The following ASIC2 variants were observed in gnomAD, a reference collection of about 807,000 sequenced individuals.
ASIC2 encodes the protein acid-sensing ion channel 2.
In ASIC2, 25 loss-of-function variants were observed where a neutral mutation model predicts 57.3. The observed-to-expected ratio is 0.44, with a 90% CI of 0.32 to 0.61. The LOEUF (loss-of-function observed/expected upper bound fraction) is 0.61. Among genes scored for constraint, ASIC2 ranks in the 20% least tolerant of loss-of-function variants. The probability of loss-of-function intolerance (pLI) is 0.06; values close to 1 mark genes in which losing one functional copy is unlikely to be tolerated. For synonymous variants in ASIC2, 319 were observed against 307.5 expected (o/e 1.04, Z -0.39); for missense variants, 641 against 738.1 (o/e 0.87, Z 1.52).
chr17:33,491,795 C>T (rs1462142339), intron 1 of ASIC2, among the ~76,000 whole-genome samples: 1 of 152,220 alleles, frequency 6.6e-6, no homozygotes. Context: ...GAGAACCTCT[C>T]TGCCATGGTC....
chr17:33,315,330 A>G (rs1906601704), intron 1 of ASIC2, among the ~76,000 whole-genome samples: 1 of 152,212 alleles, frequency 6.6e-6, no homozygotes, highest in South Asian at 2.1e-4. Context: ...CCTGCCCGCT[A>G]TGGCTATTAT....
chr17:34,027,788 T>C (rs186336250), intron 1 of ASIC2, among the ~76,000 whole-genome samples: 189 of 152,336 alleles, frequency 1.2e-3, no homozygotes, highest in African/African-American at 4.3e-3. Flanking sequence ...GCAAGAATCA[T>C]CTTCCTCTCA....
intron 1 of ASIC2, among the ~76,000 whole-genome samples, chr17:33,700,516 C>A (rs905854326): frequency 1.3e-5 from 2 of 152,124 alleles, no homozygotes; most frequent in African/African-American, 4.8e-5. Context: ...CATGGAAAGA[C>A]AAGAGCCCCC....
chr17:33,033,350 T>C (rs988795984), intron 3 of ASIC2, among the ~76,000 whole-genome samples: 1 of 152,120 alleles, frequency 6.6e-6, no homozygotes, highest in African/African-American at 2.4e-5. Context: ...TCTGCCTTCC[T>C]GGGGGTGCAG....
chr17:33,787,463 C>G (rs959342537), intron 1 of ASIC2, among the ~76,000 whole-genome samples: 1 of 152,116 alleles, frequency 6.6e-6, no homozygotes, highest in South Asian at 2.1e-4. Flanking sequence ...TAAATTAGAG[C>G]GTGAAGCCAT....
intron 1 of ASIC2, among the ~76,000 whole-genome samples, chr17:34,094,201 A>G (rs1213975156): frequency 1.3e-5 from 2 of 152,146 alleles, no homozygotes; most frequent in Non-Finnish European, 2.9e-5. Flanking sequence ...GTAGGACAAA[A>G]ACCACAGAGA....
intron 1 of ASIC2, among the ~76,000 whole-genome samples, chr17:33,446,496 T>C (rs1362239333): frequency 6.6e-6 from 1 of 152,148 alleles, no homozygotes; most frequent in Non-Finnish European, 1.5e-5. Context: ...ACGTGGATTA[T>C]CAACTACCAC....
chr17:34,108,402 G>A (rs1161473180), intron 1 of ASIC2, among the ~76,000 whole-genome samples: 1 of 151,880 alleles, frequency 6.6e-6, no homozygotes, highest in African/African-American at 2.4e-5. Flanking sequence ...TTTCTTATTT[G>A]AACTATAGTT....
At chr17:33,601,289 T>G (rs1490559076) in intron 1 of ASIC2, among the ~76,000 whole-genome samples, 1 of 152,104 alleles carries the variant, frequency 6.6e-6, no homozygotes, top group East Asian at 1.9e-4. Context: ...CCTGAAGGCA[T>G]TTCAGAGGTC....
intron 1 of ASIC2, among the ~76,000 whole-genome samples, chr17:34,049,918 G>A (rs1908489968): frequency 2.0e-5 from 3 of 152,112 alleles, no homozygotes; most frequent in Admixed American, 2.0e-4. Context: ...CTGTTTACCT[G>A]CCTGACTCCT....
chr17:34,068,312 G>A (rs149693385), intron 1 of ASIC2, among the ~76,000 whole-genome samples: 1,589 of 152,260 alleles, frequency 0.01, 14 homozygotes, highest in Non-Finnish European at 0.018. Context: ...TCGACTTAGG[G>A]TTTTTCTGGG....
At chr17:33,121,208 T>C (rs906514548) in intron 1 of ASIC2, among the ~76,000 whole-genome samples, 1 of 152,224 alleles carries the variant, frequency 6.6e-6, no homozygotes, top group Non-Finnish European at 1.5e-5. Flanking sequence ...TCAGATGTTG[T>C]TCCATCCGGG....
chr17:34,147,669 G>T (rs965931102), intron 1 of ASIC2, among the ~76,000 whole-genome samples: 1 of 152,212 alleles, frequency 6.6e-6, no homozygotes, highest in African/African-American at 2.4e-5. Context: ...ACTGGGAGGG[G>T]TGATGTAGGC....
intron 1 of ASIC2, among the ~76,000 whole-genome samples, chr17:33,232,272 G>C (rs1312526138): frequency 1.3e-5 from 2 of 152,164 alleles, no homozygotes; most frequent in Non-Finnish European, 2.9e-5. Flanking sequence ...GCCAGGAGAA[G>C]AGCCCTCACC....
intron 1 of ASIC2, among the ~76,000 whole-genome samples, chr17:33,116,831 T>C (rs1159070704): frequency 1.3e-5 from 2 of 152,194 alleles, no homozygotes; most frequent in South Asian, 2.1e-4. Context: ...GACCCCAGAT[T>C]GGCACAGTCA....
At chr17:34,062,686 A>G (rs1449672754) in intron 1 of ASIC2, among the ~76,000 whole-genome samples, 1 of 152,184 alleles carries the variant, frequency 6.6e-6, no homozygotes, top group Admixed American at 6.5e-5. Flanking sequence ...GAAAAAGTAT[A>G]TATTACAACT....
intron 1 of ASIC2, among the ~76,000 whole-genome samples, chr17:33,406,477 A>G (rs939590539): frequency 3.3e-5 from 5 of 152,220 alleles, no homozygotes; most frequent in Non-Finnish European, 7.3e-5. Flanking sequence ...CAAACGCAGA[A>G]CACAGAACAC....
chr17:33,463,874 A>G (rs1472740), intron 1 of ASIC2, among the ~76,000 whole-genome samples: 37,010 of 152,078 alleles, frequency 0.24, 4,592 homozygotes, highest in African/African-American at 0.27. Flanking sequence ...ATGTATCTTC[A>G]TGTCTCCAGA....
chr17:33,228,979 G>T (rs909411623), intron 1 of ASIC2, among the ~76,000 whole-genome samples: 2 of 152,192 alleles, frequency 1.3e-5, no homozygotes, highest in Non-Finnish European at 2.9e-5. Flanking sequence ...GAAGAGAAAG[G>T]TACCCAGATA....
Sources: allele counts gnomAD v4.1 joint callset (sites outside exome capture counted in the v4.1 genomes callset), GRCh38; gene constraint gnomAD v4.1.1; transcripts MANE v1.5; gene names NCBI Gene and HGNC (gene_info 2026-07-23, HGNC 2026-07-21).